ABHD4: variants seen among roughly 807,000 people sequenced by gnomAD.
ABHD4 encodes the protein (Lyso)-N-acylphosphatidylethanolamine lipase.
In ABHD4, 35 loss-of-function variants were observed where a neutral mutation model predicts 42.3. The observed-to-expected ratio is 0.83, with a 90% confidence interval of 0.63 to 1.10. The LOEUF (loss-of-function observed/expected upper bound fraction) is 1.10, where lower values mean the gene tolerates loss of function less well. ABHD4 is among the 50% of genes least tolerant of loss of function. The pLI is 0.00. For synonymous variants in ABHD4, 169 were observed against 170.6 expected (o/e 0.99, Z 0.07); for missense variants, 389 against 454.8 (o/e 0.86, Z 1.32).
At position 22,603,577 on chromosome 14, in the gene ABHD4, C is replaced by T. The variant is rs769816657; in HGVS notation, c.300C>T (p.Phe100=). 29 of 1,614,018 alleles carry T rather than the reference C, an allele frequency of 1.8e-5. No individual in the cohort carries two copies. Among genetic ancestry groups the T allele is most frequent in the Non-Finnish European group, 2.2e-5 (26 of 1,180,044 alleles). The stretch of plus-strand genomic sequence containing the variant: ...GTGCCCGCCGCACACTGCACACCTT[C>T]GATCTGCTTGGCTTCGGGCGAAGCT... ...SLSARRTLHT[F]DLLGFGRSSR... is the part of the protein sequence containing the mutation. Residue 100 remains phenylalanine (F), a synonymous_variant, in exon 3 of 7, where the codon TTC becomes TTT. Coordinates refer to ENST00000428304, the MANE Select transcript of ABHD4 (RefSeq NM_022060.3).
chr14:22,608,764 C>T (rs11850200), intron 5 of ABHD4, among the ~76,000 whole-genome samples: 17,907 of 152,104 alleles, frequency 0.12, 1,786 homozygotes, highest in African/African-American at 0.27. Context: ...TGCAATGGCA[C>T]GATCTCGGCT....
At position 22,604,065 on chromosome 14, in the gene ABHD4, T is replaced by C; in HGVS notation, c.626T>C (p.Val209Ala). 6.2e-7 allele frequency: 1 copy of C among 1,614,112 alleles called. No individual in the cohort carries two copies. The highest frequency in any genetic ancestry group is 8.5e-7 in the Non-Finnish European group (1 of 1,180,012). ...TCCAATCCATTGGCTGTTCTTCGAG[T>C]AGCTGGGCCCTGGGGTGAGTAGCCT... Reference protein sequence around the residue: ...GRSNPLAVLRVAGPWGPGLVQ... With the variant: ...GRSNPLAVLRAAGPWGPGLVQ... The change falls in exon 4 of 7, where the codon GTA becomes GCA. Residue 209 changes from valine (V) to alanine (A), a missense_variant. Val to Ala is a moderately conservative substitution (Grantham distance 64). Transcript: ENST00000428304.
chr14:22,604,640 C>T (rs1216655259), intron 4 of ABHD4, among the ~76,000 whole-genome samples: 4 of 151,832 alleles, frequency 2.6e-5, no homozygotes, highest in Admixed American at 2.6e-4. Flanking sequence ...ACCAGAGTCT[C>T]ACTCTATCTC....
rs1035649491 is a variant in ABHD4, at chr14:22,603,460, G to A, written c.183G>A (p.Val61=). Residue 61 remains valine (V), a synonymous_variant, in exon 3 of 7, where the codon GTG becomes GTA. Transcript: ENST00000428304. The part of the protein sequence containing the change: ...PNQNKIWTVT[V]SPEQNDRTPL... ...AGAATAAGATCTGGACGGTGACTGT[G>A]AGCCCCGAGCAAAACGACCGCACCC... is the stretch of plus-strand genomic sequence containing the variant. The A allele has an allele frequency of 6.2e-7, 1 of 1,614,046 alleles. No individual in the cohort carries two copies. Among genetic ancestry groups the A allele is most frequent in the African/African-American group, 1.3e-5 (1 of 74,922 alleles).
Position 22,601,614 on chromosome 14 carries a change from A to T in ABHD4, c.24-53A>T, listed in dbSNP as rs995519636. ...TGTAACTCTCAGCAAGGCTAAGAGC[A>T]TCAATGTTTCTTTCCAATGTTGCCA... On this transcript the variant is annotated intron_variant, in intron 1 of 6. Coordinates refer to ENST00000428304, the MANE Select transcript of ABHD4 (RefSeq NM_022060.3). 37 of 1,521,224 alleles carry T rather than the reference A, an allele frequency of 2.4e-5. No homozygotes were observed. In the Middle Eastern group the frequency reaches 5.1e-4, roughly 21 times the overall value. 94.2% of individuals were successfully genotyped at this position (1,521,224 alleles called of 1,614,324 possible). A position where few individuals can be genotyped will look rare whatever the true frequency, so the allele number is the denominator to read the frequency against.
chr14:22,605,606 G>A (rs1026424729), intron 4 of ABHD4, among the ~76,000 whole-genome samples: 1 of 152,186 alleles, frequency 6.6e-6, no homozygotes, highest in African/African-American at 2.4e-5. Context: ...GTCTGCTCGA[G>A]CTACTCTCCC....
In ABHD4 at chr14:22,611,049, C is replaced by A; in HGVS notation, c.*101C>A. 9.8e-7 allele frequency: 1 copy of A among 1,019,700 alleles called. No individual in the cohort carries two copies. The highest frequency in any genetic ancestry group is 1.5e-6 in the Non-Finnish European group (1 of 666,174). The allele number at this position is 1,019,700 out of a possible 1,614,324, so 63.2% of individuals were successfully genotyped here. A position where few individuals can be genotyped will look rare whatever the true frequency, so the allele number is the denominator to read the frequency against. On this transcript the variant is annotated 3_prime_UTR_variant, in exon 7 of 7. Coordinates refer to ENST00000428304, the MANE Select transcript of ABHD4 (RefSeq NM_022060.3). ...TCCTTTCCTCACCAACTAACATGTG[C>A]CAGCCAGGCAGAGTCTTGTGCTGTT...
At chr14:22,609,152 C>T (rs1384436294) in intron 5 of ABHD4, among the ~76,000 whole-genome samples, 1 of 151,676 alleles carries the variant, frequency 6.6e-6, no homozygotes, top group Non-Finnish European at 1.5e-5. Flanking sequence ...AGCGCACCAC[C>T]ACGCCCCGCT....
chr14:22,603,448 G>A lies in ABHD4; in HGVS notation c.171G>A (p.Trp57Ter), dbSNP rs1301608415. 1.2e-6 allele frequency: 2 copies of A among 1,614,180 alleles called. No individual in the cohort carries two copies. The highest frequency in any genetic ancestry group is 2.2e-5 in the South Asian group (2 of 91,082). Residue 57 changes from tryptophan (W) to a stop codon, truncating the protein, a stop_gained, in exon 3 of 7, where the codon TGG becomes TGA. Transcript: ENST00000428304. LOFTEE classifies it high-confidence loss of function. ...YVSLPNQNKI[W>*]TVTVSPEQND... ...CCCTCCCAAACCAGAATAAGATCTGGACGGTGACTGTGAGCCCCGAGCAAA... is the reference window on the plus strand; with the variant it reads ...CCCTCCCAAACCAGAATAAGATCTGAACGGTGACTGTGAGCCCCGAGCAAA...
At chr14:22,607,690 C>T (rs1201259522) in intron 5 of ABHD4, among the ~76,000 whole-genome samples, 1 of 152,226 alleles carries the variant, frequency 6.6e-6, no homozygotes, top group Non-Finnish European at 1.5e-5. Context: ...GTGCCTGTCT[C>T]ATACCCACCT....
Position 22,612,361 on chromosome 14 carries a change from C to G in ABHD4, c.*1413C>G, listed in dbSNP as rs148120144. The G allele has an allele frequency of 6.6e-6, 1 of 152,520 alleles. No homozygotes were observed. The highest frequency in any genetic ancestry group is 6.5e-5 in the Admixed American group (1 of 15,280). The allele number at this position is 152,520 out of a possible 1,614,324, so 9.4% of individuals were successfully genotyped here. On this transcript the variant is annotated 3_prime_UTR_variant, in exon 7 of 7. Transcript: ENST00000428304. ...TAATAAAGAAACGAGTAAAAATTACCGGTGGGGATGATGTTTAAAATTGCT... is the reference window on the plus strand; with the variant it reads ...TAATAAAGAAACGAGTAAAAATTACGGGTGGGGATGATGTTTAAAATTGCT...
intron 4 of ABHD4, among the ~76,000 whole-genome samples, chr14:22,605,367 A>G (rs1184779022): frequency 6.6e-6 from 1 of 152,224 alleles, no homozygotes; most frequent in Non-Finnish European, 1.5e-5. Flanking sequence ...ATAGCCAATT[A>G]TTATGAGTTA....
intron 6 of ABHD4, among the ~76,000 whole-genome samples, chr14:22,610,429 T>C (rs1358403226): frequency 6.6e-6 from 1 of 152,172 alleles, no homozygotes; most frequent in Non-Finnish European, 1.5e-5. Context: ...CCAGCCCCCA[T>C]GTAGTTTCTA....
rs545491598 is a variant in ABHD4 at position 22,612,897 on chromosome 14, A to C, written c.*1949A>C. ...CTCTTTCCTCCCCAGACCATAAGCA[A>C]CATAAAGACAAAGGGTACATCTAGC... On this transcript the variant is annotated 3_prime_UTR_variant, in exon 7 of 7. Transcript: ENST00000428304. 1 of 152,354 alleles carries C rather than the reference A, an allele frequency of 6.6e-6. No individual in the cohort carries two copies. Among genetic ancestry groups the C allele is most frequent in the East Asian group, 1.9e-4 (1 of 5,188 alleles). 9.4% of individuals were successfully genotyped at this position (152,354 alleles called of 1,614,324 possible). A position where few individuals can be genotyped will look rare whatever the true frequency, so the allele number is the denominator to read the frequency against.
intron 4 of ABHD4, chr14:22,605,972 G>A (rs775374015): frequency 8.5e-6 from 5 of 588,354 alleles, no homozygotes; most frequent in Admixed American, 4.8e-5. Context: ...TCTAATACAG[G>A]CCTGAAAATG....
chr14:22,606,568 C>T (rs757511693), intron 5 of ABHD4, 35 bp downstream of exon 5: 18 of 1,455,030 alleles, frequency 1.2e-5, no homozygotes, highest in Non-Finnish European at 1.6e-5. Flanking sequence ...TTGGGGCAGA[C>T]AGTTGTTAGG....
intron 1 of ABHD4, chr14:22,600,313 T>C (rs973436885): frequency 2.5e-6 from 1 of 400,502 alleles, no homozygotes; most frequent in East Asian, 7.4e-5. Flanking sequence ...TACATGACCT[T>C]GAAAAGCTGA....
At position 22,611,080 on chromosome 14, in the gene ABHD4, A is replaced by G. The variant is rs2037410238; in HGVS notation, c.*132A>G. On this transcript the variant is annotated 3_prime_UTR_variant, in exon 7 of 7. Coordinates refer to ENST00000428304, the MANE Select transcript of ABHD4 (RefSeq NM_022060.3). ...AGGCAGAGTCTTGTGCTGTTCCCAGAACAGGACGACAGTGAAAAGAACACT... is the reference window on the plus strand; with the variant it reads ...AGGCAGAGTCTTGTGCTGTTCCCAGGACAGGACGACAGTGAAAAGAACACT... 1.3e-6 allele frequency: 1 copy of G among 780,540 alleles called. No individual in the cohort carries two copies. The highest frequency in any genetic ancestry group is 1.6e-5 in the South Asian group (1 of 63,548). The allele number at this position is 780,540 out of a possible 1,614,324, so 48.4% of individuals were successfully genotyped here.
chr14:22,600,848 G>T (rs1031675557), intron 1 of ABHD4, among the ~76,000 whole-genome samples: 2 of 150,828 alleles, frequency 1.3e-5, no homozygotes. Flanking sequence ...GTGTGTGTGT[G>T]TGTGTGTGTG....
Sources: gnomAD v4.1 joint callset for allele counts (sites outside exome capture counted in the v4.1 genomes callset) on GRCh38, gnomAD v4.1.1 for gene constraint, MANE v1.5 for transcripts, NCBI Gene and HGNC (gene_info 2026-07-23, HGNC 2026-07-21) for gene names.